The following THSD7B variants were observed in gnomAD, a reference collection of about 807,000 sequenced individuals.
THSD7B encodes thrombospondin type 1 domain containing 7B.
Under a neutral mutation model 213.6 loss-of-function variants are expected in THSD7B, and 138 were observed. The ratio of observed to expected loss-of-function variants is 0.65; its 90% CI spans 0.56 to 0.74. The LOEUF is 0.74. Among genes scored for constraint, THSD7B ranks in the 30% least tolerant of loss-of-function variants. The pLI is 0.00. For missense variants in THSD7B, 1,931 were observed against 1,991.5 expected (o/e 0.97, Z 0.58); for synonymous variants, 742 against 687.0 (o/e 1.08, Z -1.25).
At chr2:137,195,251 T>TATATACAC (rs34357255) in intron 7 of THSD7B, among the ~76,000 whole-genome samples, 9 of 150,102 alleles carry the variant, frequency 6.0e-5, no homozygotes, top group South Asian at 4.2e-4. Context: ...TATATATATA[T>TATATACAC]ACACACACAC....
intron 1 of THSD7B, among the ~76,000 whole-genome samples, chr2:136,873,174 G>C (rs1480861932): frequency 6.6e-6 from 1 of 152,080 alleles, no homozygotes; most frequent in Admixed American, 6.6e-5. Flanking sequence ...AGTTTGTTAA[G>C]AGGTAGGAAA....
chr2:137,055,297 T>G (rs1488357056), intron 2 of THSD7B, among the ~76,000 whole-genome samples: 1 of 152,146 alleles, frequency 6.6e-6, no homozygotes, highest in African/African-American at 2.4e-5. Flanking sequence ...GATCAATCCT[T>G]TATACCCAGT....
intron 1 of THSD7B, among the ~76,000 whole-genome samples, chr2:136,781,284 T>TTTTG (rs1681737133): frequency 6.7e-6 from 1 of 150,216 alleles, no homozygotes; most frequent in Non-Finnish European, 1.5e-5. Context: ...TTTTTTTTTT[T>TTTTG]GAGATGGAGT....
At chr2:137,338,961 G>A (rs2104904431) in intron 12 of THSD7B, among the ~76,000 whole-genome samples, 1 of 152,062 alleles carries the variant, frequency 6.6e-6, no homozygotes, top group South Asian at 2.1e-4. Flanking sequence ...ATAATGAATT[G>A]GCTACTTGTA....
intron 3 of THSD7B, among the ~76,000 whole-genome samples, chr2:137,089,407 TAC>T (rs1217641607): frequency 6.1e-5 from 9 of 148,726 alleles, no homozygotes; most frequent in South Asian, 2.1e-4. Flanking sequence ...TATATACATA[TAC>T]ACACACATAT....
chr2:137,016,899 C>A (rs914652500), intron 2 of THSD7B, among the ~76,000 whole-genome samples: 1 of 152,066 alleles, frequency 6.6e-6, no homozygotes, highest in African/African-American at 2.4e-5. Context: ...AATTCTTTAC[C>A]CCAAATCCTT....
intron 3 of THSD7B, among the ~76,000 whole-genome samples, chr2:137,062,140 A>G (rs761360755): frequency 1.8e-4 from 27 of 151,754 alleles, no homozygotes; most frequent in Non-Finnish European, 3.7e-4. Flanking sequence ...AGAGTTGTTC[A>G]TAATATCCCT....
At chr2:137,348,932 C>T (rs528587044) in intron 12 of THSD7B, among the ~76,000 whole-genome samples, 2 of 151,362 alleles carry the variant, frequency 1.3e-5, no homozygotes, top group African/African-American at 4.8e-5. Flanking sequence ...AACTGATACT[C>T]TAAAAGTAAA....
intron 1 of THSD7B, among the ~76,000 whole-genome samples, chr2:136,793,744 A>C (rs919276727): frequency 1.3e-5 from 2 of 151,878 alleles, no homozygotes; most frequent in Non-Finnish European, 2.9e-5. Flanking sequence ...TTTTCTTGTA[A>C]TATCCTTCTT....
intron 3 of THSD7B, among the ~76,000 whole-genome samples, chr2:137,091,964 C>T (rs950997408): frequency 6.6e-6 from 1 of 152,116 alleles, no homozygotes; most frequent in Non-Finnish European, 1.5e-5. Flanking sequence ...GCAACAGTGA[C>T]ATTACTTTCT....
chr2:137,072,269 C>T (rs531484431), intron 3 of THSD7B, among the ~76,000 whole-genome samples: 1 of 152,088 alleles, frequency 6.6e-6, no homozygotes, highest in Non-Finnish European at 1.5e-5. Flanking sequence ...TCTTTGTATC[C>T]TCTTTTATTT....
chr2:137,648,940 G>T (rs1683087989), intron 21 of THSD7B, among the ~76,000 whole-genome samples: 1 of 152,098 alleles, frequency 6.6e-6, no homozygotes. Flanking sequence ...ATTATTACCT[G>T]TCTTTTTTAT....
At chr2:136,895,367 G>T (rs1168054170) in intron 2 of THSD7B, among the ~76,000 whole-genome samples, 1 of 151,894 alleles carries the variant, frequency 6.6e-6, no homozygotes, top group Non-Finnish European at 1.5e-5. Context: ...TTTTGAAACT[G>T]TAACTTAGAA....
At chr2:137,190,859 C>G (rs1239352964) in intron 7 of THSD7B, among the ~76,000 whole-genome samples, 1 of 152,206 alleles carries the variant, frequency 6.6e-6, no homozygotes, top group Non-Finnish European at 1.5e-5. Flanking sequence ...GCTGTCACTG[C>G]TGCTCTAGGA....
At chr2:137,553,205 C>T (rs760516940) in intron 15 of THSD7B, among the ~76,000 whole-genome samples, 75 of 152,108 alleles carry the variant, frequency 4.9e-4, no homozygotes, top group Admixed American at 1.0e-3. Flanking sequence ...AGGTCTCAAG[C>T]TTGAAGACAT....
At chr2:137,370,173 G>T (rs775364487) in intron 12 of THSD7B, among the ~76,000 whole-genome samples, 1 of 152,034 alleles carries the variant, frequency 6.6e-6, no homozygotes, top group African/African-American at 2.4e-5. Flanking sequence ...ATTTGATCTG[G>T]TATGCTATTT....
chr2:137,233,703 G>A (rs1374759423), intron 9 of THSD7B, among the ~76,000 whole-genome samples: 1 of 152,156 alleles, frequency 6.6e-6, no homozygotes. Context: ...CTAGGATATA[G>A]ATGTCAAAAC....
chr2:136,926,000 G>C (rs1684515538), intron 2 of THSD7B, among the ~76,000 whole-genome samples: 1 of 152,000 alleles, frequency 6.6e-6, no homozygotes, highest in Non-Finnish European at 1.5e-5. Context: ...GAAATGTTGG[G>C]CAGAATATTG....
chr2:137,557,207 A>G (rs1177757137), intron 15 of THSD7B, among the ~76,000 whole-genome samples: 1 of 152,250 alleles, frequency 6.6e-6, no homozygotes, highest in Non-Finnish European at 1.5e-5. Context: ...AGACATCTAC[A>G]GAACTCTCCA....
Sources: gnomAD v4.1 joint callset for allele counts (sites outside exome capture counted in the v4.1 genomes callset) on GRCh38, gnomAD v4.1.1 for gene constraint, MANE v1.5 for transcripts, NCBI Gene and HGNC (gene_info 2026-07-23, HGNC 2026-07-21) for gene names.